NLN: variants seen among roughly 807,000 people sequenced by gnomAD.
The protein encoded by NLN is neurolysin, also known as neurolysin, mitochondrial.
NLN carries 64 observed loss-of-function variants against 79.9 expected under a neutral mutation model. The ratio of observed to expected loss-of-function variants is 0.80; its 90% confidence interval spans 0.65 to 0.99. The LOEUF (loss-of-function observed/expected upper bound fraction) is 0.99. Among genes scored for constraint, NLN ranks in the 50% least tolerant of loss-of-function variants. The pLI, the probability that NLN is intolerant of heterozygous loss-of-function variation, is 0.00. For synonymous variants in NLN, 267 were observed against 296.6 expected (o/e 0.90, Z 1.02); for missense variants, 835 against 858.7 (o/e 0.97, Z 0.34).
At chr5:65,774,844 C>T (rs1324504458) in intron 3 of NLN, among the ~76,000 whole-genome samples, 1 of 151,860 alleles carries the variant, frequency 6.6e-6, no homozygotes, top group African/African-American at 2.4e-5. Flanking sequence ...TCTGCCTCAG[C>T]CTCCCAAGTA....
intron 1 of NLN, among the ~76,000 whole-genome samples, chr5:65,730,244 G>T (rs1356117780): frequency 6.6e-6 from 1 of 152,190 alleles, no homozygotes; most frequent in Non-Finnish European, 1.5e-5. Flanking sequence ...TGGGAAAGGG[G>T]AATGCTCAGT....
rs773652049 is a variant in NLN at position 65,809,494 on chromosome 5, TTC to T, written c.1528-17_1528-16del. On this transcript the variant is annotated intron_variant, in intron 9 of 12. Transcript: ENST00000380985. ...ACTTTCATTGAGTTCTTTAAAAAAA[TTC>T]TCTGTGTTTGCTTTCTAGACTGATT... 3.0e-5 allele frequency: 47 copies of T among 1,562,988 alleles called. No individual in the cohort carries two copies. In the East Asian group the frequency reaches 5.2e-4, roughly 17 times the overall value.
rs1191254101 is a variant in NLN, at chr5:65,792,615, T to C, written c.1487T>C (p.Phe496Ser). Residue 496 changes from phenylalanine (F) to serine (S), a missense_variant, in exon 9 of 13, where the codon TTT becomes TCT. Transcript: ENST00000380985. The part of the protein sequence containing the change: ...LLRHDEVRTY[F>S]HEFGHVMHQI... ...AGACACGACGAGGTGAGGACTTACT[T>C]TCATGAGTTTGGTCACGTGATGCAT... is the stretch of plus-strand genomic sequence containing the variant. 5 of 1,613,966 alleles carry C rather than the reference T, an allele frequency of 3.1e-6. No individual in the cohort carries two copies. The highest frequency in any genetic ancestry group is 4.2e-6 in the Non-Finnish European group (5 of 1,180,004).
intron 1 of NLN, among the ~76,000 whole-genome samples, chr5:65,757,327 G>A (rs1759241943): frequency 6.6e-6 from 1 of 152,196 alleles, no homozygotes. Context: ...GTGGTTAAGA[G>A]TATGGGTTCT....
intron 1 of NLN, among the ~76,000 whole-genome samples, chr5:65,739,004 A>ATATATATAT (rs1259047346): frequency 2.1e-5 from 2 of 94,076 alleles, no homozygotes; most frequent in Non-Finnish European, 4.7e-5. Flanking sequence ...ATATTTTATA[A>ATATATATAT]TATATATTTA....
At chr5:65,762,543 G>A (rs768185901) in intron 2 of NLN, among the ~76,000 whole-genome samples, 21 of 152,184 alleles carry the variant, frequency 1.4e-4, no homozygotes, top group South Asian at 6.2e-4. Flanking sequence ...AAAATTAGCT[G>A]AGTGTGGTGG....
intron 1 of NLN, among the ~76,000 whole-genome samples, chr5:65,742,504 G>A (rs74474145): frequency 0.016 from 2,495 of 152,156 alleles, 75 homozygotes; most frequent in African/African-American, 0.057. Context: ...CAAAATAAAG[G>A]CCAGAATGTC....
At chr5:65,809,845 G>T in intron 10 of NLN, 144 bp downstream of exon 10, 1 of 956,410 alleles carries the variant, frequency 1.0e-6, no homozygotes, top group Non-Finnish European at 1.5e-6. Context: ...TAAATATATT[G>T]GAATAGGAAA....
Position 65,808,721 on chromosome 5 carries a change from C to G in NLN, c.1528-794C>G, listed in dbSNP as rs534144686. Reference sequence around the variant, plus strand: ...CTTCAGAATAGGTCGTTTGTTTTTACCAGGAGTGCTCCAACTTTTGAATAC... The same window carrying G: ...CTTCAGAATAGGTCGTTTGTTTTTAGCAGGAGTGCTCCAACTTTTGAATAC... On this transcript the variant is annotated intron_variant, in intron 9 of 12. Coordinates refer to ENST00000380985, the MANE Select transcript of NLN (RefSeq NM_020726.5). Among the ~76,000 whole-genome samples the G allele has an allele frequency of 6.3e-4, 96 of 151,980 alleles. 2 individuals are homozygous for G. The highest frequency in any genetic ancestry group is 1.3e-3 in the Non-Finnish European group (88 of 67,972).
chr5:65,754,167 T>C (rs1759165530), intron 1 of NLN, among the ~76,000 whole-genome samples: 1 of 152,222 alleles, frequency 6.6e-6, no homozygotes, highest in Non-Finnish European at 1.5e-5. Context: ...GACTCATAAC[T>C]GGAATGGTCA....
chr5:65,800,063 T>C (rs953193881), intron 9 of NLN, among the ~76,000 whole-genome samples: 7 of 152,236 alleles, frequency 4.6e-5, no homozygotes, highest in African/African-American at 1.7e-4. Context: ...TCCTGAGGCC[T>C]GTCCTTTTTC....
At chr5:65,750,688 C>T (rs1759084105) in intron 1 of NLN, among the ~76,000 whole-genome samples, 1 of 151,230 alleles carries the variant, frequency 6.6e-6, no homozygotes, top group Admixed American at 6.6e-5. Flanking sequence ...TGCACTCCAG[C>T]CTGGGCAACA....
chr5:65,742,490 T>C (rs780784198), intron 1 of NLN, among the ~76,000 whole-genome samples: 5 of 152,196 alleles, frequency 3.3e-5, no homozygotes, highest in Admixed American at 6.5e-5. Context: ...TGCTAGAGGC[T>C]ACTCAAAATA....
intron 9 of NLN, among the ~76,000 whole-genome samples, chr5:65,807,561 C>T (rs149109803): frequency 0.019 from 2,894 of 152,116 alleles, 41 homozygotes; most frequent in Middle Eastern, 0.054. Flanking sequence ...CTGCCTCAGC[C>T]TCCTGAGTAG....
At position 65,804,390 on chromosome 5, in the gene NLN, T is replaced by C. The variant is rs118024528; in HGVS notation, c.1528-5125T>C. ...ACCTCATTTTATTGTCCTTCACTTA[T>C]TGTACTTCACAGATATTTTGTTTTT... On this transcript the variant is annotated intron_variant, in intron 9 of 12. Coordinates refer to ENST00000380985, the MANE Select transcript of NLN (RefSeq NM_020726.5). 1.8e-4 allele frequency among the ~76,000 whole-genome samples: 28 copies of C among 152,354 alleles called. No individual in the cohort carries two copies. The East Asian group carries it at 5.4e-3, about 29-fold the overall frequency.
In NLN at chr5:65,757,032, A is replaced by G. The variant is rs143109075; in HGVS notation, c.42-1535A>G. ...GGAGTTCTCTTTGCTTACACTTGTC[A>G]TAACACTCATCTCAGTGTAGTATAA... On this transcript the variant is annotated intron_variant, in intron 1 of 12. Transcript: ENST00000380985. 2.0e-4 allele frequency among the ~76,000 whole-genome samples: 30 copies of G among 152,310 alleles called. No homozygotes were observed. In the East Asian group the frequency reaches 5.8e-3, roughly 29 times the overall value.
rs546382735 is a variant in NLN at position 65,735,264 on chromosome 5, C to A, written c.41+12850C>A. On this transcript the variant is annotated intron_variant, in intron 1 of 12. Transcript: ENST00000380985. Reference sequence around the variant, plus strand: ...CATGCTGAACTGTGAATCAATTAAACCTGTTTCATTTATAAGTTACCCAGT... The same window carrying A: ...CATGCTGAACTGTGAATCAATTAAAACTGTTTCATTTATAAGTTACCCAGT... 5.3e-5 allele frequency among the ~76,000 whole-genome samples: 8 copies of A among 152,302 alleles called. No individual in the cohort carries two copies. The South Asian group carries it at 1.2e-3, about 24-fold the overall frequency.
chr5:65,761,427 G>A (rs969457618), intron 2 of NLN, among the ~76,000 whole-genome samples: 1 of 151,830 alleles, frequency 6.6e-6, no homozygotes, highest in Non-Finnish European at 1.5e-5. Context: ...TGAGTGGCTG[G>A]GATTACAGGC....
chr5:65,777,794 T>A (rs1759712977), intron 4 of NLN, among the ~76,000 whole-genome samples: 1 of 152,100 alleles, frequency 6.6e-6, no homozygotes. Flanking sequence ...GCATTTCGGA[T>A]AAGGGATACC....
Sources: allele counts gnomAD v4.1 joint callset (sites outside exome capture counted in the v4.1 genomes callset), GRCh38; gene constraint gnomAD v4.1.1; transcripts MANE v1.5; gene names NCBI Gene and HGNC (gene_info 2026-07-23, HGNC 2026-07-21).